Variants in PVT1 observed in about 807,000 individuals in gnomAD.
The protein encoded by PVT1 is CXCR4/PVT1 fusion.
chr8:127,979,011 G>A (rs1441038818), intron 3 of PVT1, among the ~76,000 whole-genome samples: 5 of 152,176 alleles, frequency 3.3e-5, no homozygotes, highest in Non-Finnish European at 1.5e-5. Context: ...GCCATTTTTA[G>A]CATTATTGTT....
intron 4 of PVT1, among the ~76,000 whole-genome samples, chr8:128,046,239 C>T (rs1351361644): frequency 1.3e-5 from 2 of 152,240 alleles, no homozygotes; most frequent in Non-Finnish European, 2.9e-5. Context: ...TGTGCCCCTA[C>T]TGTGTGCCAG....
chr8:127,902,728 C>T (rs1205803674), intron 3 of PVT1, among the ~76,000 whole-genome samples: 1 of 152,114 alleles, frequency 6.6e-6, no homozygotes, highest in Non-Finnish European at 1.5e-5. Flanking sequence ...ATGATAATGG[C>T]CTCCAGCTGC....
rs1280580513 is a variant in PVT1 at position 128,042,478 on chromosome 8, T to C, written n.913-27682T>C. 3.3e-5 allele frequency among the ~76,000 whole-genome samples: 5 copies of C among 152,162 alleles called. No homozygotes were observed. The East Asian group carries it at 7.7e-4, about 23-fold the overall frequency. ...AAGAACACCACTTCCCCCCAAGATG[T>C]GCAGGACACAGGATACTCCCCAGGG... On this transcript the variant is annotated intron_variant and non_coding_transcript_variant, in intron 4 of 10. Transcript: ENST00000651587.
chr8:128,047,381 C>T (rs1328071239), intron 4 of PVT1, among the ~76,000 whole-genome samples: 1 of 152,160 alleles, frequency 6.6e-6, no homozygotes, highest in Non-Finnish European at 1.5e-5. Flanking sequence ...GGTTTCTTGG[C>T]CACCAGAATG....
intron 5 of PVT1, among the ~76,000 whole-genome samples, chr8:128,089,098 A>AG (rs1421200318): frequency 6.6e-6 from 1 of 152,238 alleles, no homozygotes; most frequent in Non-Finnish European, 1.5e-5. Context: ...TGGAAATGAG[A>AG]GAAGTTATGT....
Position 127,898,958 on chromosome 8 carries a change from G to GGCTCCAACCGAAGAACAGCT in PVT1, n.782+7962_782+7981dup, listed in dbSNP as rs1337602434. On this transcript the variant is annotated intron_variant and non_coding_transcript_variant, in intron 3 of 10. Coordinates refer to ENST00000651587, the Ensembl canonical transcript of PVT1. The surrounding 1 kb of genome is among the most constrained non-coding windows in gnomAD (Gnocchi z 4.4). ...ACCCCCACCCCCCGTTGACTTATCT[G>GGCTCCAACCGAAGAACAGCT]GCTCCAACCGAAGAACAGCTGTTGG... Among the ~76,000 whole-genome samples, 5 of 152,082 alleles carry GGCTCCAACCGAAGAACAGCT rather than the reference G, an allele frequency of 3.3e-5. No homozygotes were observed. Among genetic ancestry groups the GGCTCCAACCGAAGAACAGCT allele is most frequent in the African/African-American group, 1.2e-4 (5 of 41,400 alleles).
intron 2 of PVT1, among the ~76,000 whole-genome samples, chr8:127,845,187 C>T (rs555490204): frequency 2.2e-4 from 34 of 151,342 alleles, no homozygotes; most frequent in East Asian, 7.7e-4. Context: ...TGTGTTGTGA[C>T]GAGGGATGGC....
In PVT1 at chr8:127,943,095, A is replaced by G. The variant is rs116060047; in HGVS notation, n.783-46067A>G. Among the ~76,000 whole-genome samples the G allele has an allele frequency of 9.7e-4, 147 of 152,274 alleles. 1 individual carries two copies. Among genetic ancestry groups the G allele is most frequent in the African/African-American group, 3.0e-3 (124 of 41,544 alleles). ...GTTGTAGGGGGCCTGGAAATGTCCC[A>G]TGGACCATCTCGTGACTCAGTAAGA... On this transcript the variant is annotated intron_variant and non_coding_transcript_variant, in intron 3 of 10. Transcript: ENST00000651587.
intron 3 of PVT1, among the ~76,000 whole-genome samples, chr8:127,951,097 C>G (rs184344848): frequency 4.6e-5 from 7 of 152,266 alleles, no homozygotes; most frequent in African/African-American, 1.7e-4. Flanking sequence ...GGGGTTTCAC[C>G]ATGTTGGCCA....
intron 2 of PVT1, among the ~76,000 whole-genome samples, chr8:127,861,166 C>T (rs564276571): frequency 6.6e-6 from 1 of 152,298 alleles, no homozygotes; most frequent in South Asian, 2.1e-4. Context: ...CACCCAGCCA[C>T]CCTTTCATCT....
chr8:127,952,224 G>A (rs1816514314), intron 3 of PVT1, among the ~76,000 whole-genome samples: 1 of 152,200 alleles, frequency 6.6e-6, no homozygotes, highest in African/African-American at 2.4e-5. Flanking sequence ...CAGATCTTGG[G>A]CCTTTGCCAC....
intron 5 of PVT1, among the ~76,000 whole-genome samples, chr8:128,082,474 A>G (rs1814194177): frequency 6.6e-6 from 1 of 152,240 alleles, no homozygotes; most frequent in Non-Finnish European, 1.5e-5. Flanking sequence ...ATGGGGTAGC[A>G]ACATCCATGG....
At chr8:127,867,433 C>T (rs1327543683) in intron 2 of PVT1, among the ~76,000 whole-genome samples, 1 of 152,194 alleles carries the variant, frequency 6.6e-6, no homozygotes, top group East Asian at 1.9e-4. Flanking sequence ...GCACATTCCT[C>T]GGCAGTATCC....
chr8:128,005,295 G>A (rs1238775282), intron 4 of PVT1, among the ~76,000 whole-genome samples: 2 of 152,182 alleles, frequency 1.3e-5, no homozygotes, highest in Non-Finnish European at 2.9e-5. Flanking sequence ...TAGTGTTAGT[G>A]TATTTTATGT....
At chr8:128,088,352 A>G (rs1814285038) in intron 5 of PVT1, among the ~76,000 whole-genome samples, 1 of 152,110 alleles carries the variant, frequency 6.6e-6, no homozygotes, top group Non-Finnish European at 1.5e-5. Context: ...AGACACACTC[A>G]GGGCTTCAGC....
At chr8:127,980,089 C>T (rs1277031684) in intron 3 of PVT1, among the ~76,000 whole-genome samples, 2 of 152,114 alleles carry the variant, frequency 1.3e-5, no homozygotes, top group Non-Finnish European at 2.9e-5. Context: ...ACTGTGCTCC[C>T]CAGGCTGGTC....
chr8:127,834,187 T>TAACCAAAAC (rs1814883413), intron 2 of PVT1, among the ~76,000 whole-genome samples: 2 of 152,084 alleles, frequency 1.3e-5, no homozygotes, highest in African/African-American at 4.8e-5. Flanking sequence ...AAGGCTACAG[T>TAACCAAAAC]AGCCAAAACA....
intron 4 of PVT1, among the ~76,000 whole-genome samples, chr8:128,059,986 G>T (rs926006849): frequency 1.3e-5 from 2 of 152,190 alleles, no homozygotes; most frequent in African/African-American, 4.8e-5. Context: ...GCTGGGCGTG[G>T]TGGCTCATGC....
At chr8:128,092,067 G>A (rs1380787539) in intron 5 of PVT1, among the ~76,000 whole-genome samples, 2 of 151,834 alleles carry the variant, frequency 1.3e-5, no homozygotes, top group Non-Finnish European at 2.9e-5. Flanking sequence ...GCCTGGTGGT[G>A]ACACCTACCT....
Sources: gnomAD v4.1 joint callset for allele counts (sites outside exome capture counted in the v4.1 genomes callset) on GRCh38, gnomAD v4.1.1 for gene constraint, Gnocchi (gnomAD v3.1) non-coding constraint, MANE v1.5 for transcripts, NCBI Gene and HGNC (gene_info 2026-07-23, HGNC 2026-07-21) for gene names.